STX8: variants seen among roughly 807,000 people sequenced by gnomAD.
STX8 encodes syntaxin 8.
A neutral mutation model predicts 37.5 loss-of-function variants in STX8; 23 were observed. The observed-to-expected ratio is 0.61, with a 90% CI of 0.44 to 0.87. The LOEUF is 0.87. Ranked by LOEUF, STX8 falls within the 40% of genes least tolerant of loss-of-function variation. STX8 has a pLI of 0.00. For synonymous variants in STX8, 115 were observed against 99.1 expected (o/e 1.16, Z -0.95); for missense variants, 313 against 284.7 (o/e 1.10, Z -0.71).
rs143786329 is a variant in STX8 at position 9,512,051 on chromosome 17, TAAAAGA to T, written c.324-6895_324-6890del. On this transcript the variant is annotated intron_variant, in intron 4 of 7. Coordinates refer to ENST00000306357, the MANE Select transcript of STX8 (RefSeq NM_004853.3). ...TTTAACCAAGGAGGTGAAAGATCTC[TAAAAGA>T]AAAACTACAAAACACTGATGAAAGA... Among the ~76,000 whole-genome samples the T allele has an allele frequency of 9.7e-3, 1,475 of 152,196 alleles. 27 individuals carry two copies. The highest frequency in any genetic ancestry group is 0.034 in the African/African-American group (1,410 of 41,512).
intron 4 of STX8, among the ~76,000 whole-genome samples, chr17:9,531,845 C>G (rs767944332): frequency 2.0e-5 from 3 of 151,780 alleles, no homozygotes; most frequent in Non-Finnish European, 4.4e-5. Flanking sequence ...AGTACTATGA[C>G]AGCAGCCTTA....
rs1292385372 is a variant in STX8 at position 9,296,226 on chromosome 17, A to G, written c.644-45581T>C. Among the ~76,000 whole-genome samples the G allele has an allele frequency of 2.7e-5, 4 of 148,206 alleles. No homozygotes were observed. In the South Asian group the frequency reaches 6.5e-4, roughly 24 times the overall value. On this transcript the variant is annotated intron_variant, in intron 7 of 7. Transcript: ENST00000306357. ...CCAGGCATGGTGGTGCATGCCTGTA[A>G]TCCCAGCTACTCGGGAGGCTGAGGC... is the stretch of plus-strand genomic sequence containing the variant.
chr17:9,302,336 G>A (rs1363549126), intron 7 of STX8, among the ~76,000 whole-genome samples: 2 of 151,466 alleles, frequency 1.3e-5, no homozygotes, highest in African/African-American at 4.9e-5. Flanking sequence ...TATTTAATCT[G>A]CCTTTTCAAA....
At chr17:9,505,884 G>A (rs1481765057) in intron 4 of STX8, among the ~76,000 whole-genome samples, 1 of 147,976 alleles carries the variant, frequency 6.8e-6, no homozygotes, top group Admixed American at 6.8e-5. Context: ...GGAGGTTGCA[G>A]TGAGCCAAGA....
At chr17:9,402,531 A>G (rs1361297913) in intron 6 of STX8, among the ~76,000 whole-genome samples, 1 of 152,212 alleles carries the variant, frequency 6.6e-6, no homozygotes, top group Non-Finnish European at 1.5e-5. Context: ...AGTACTACAC[A>G]TAATACAGTG....
rs542849660 is a variant in STX8 at position 9,546,504 on chromosome 17, T to A, written c.213-1222A>T. 1.1e-3 allele frequency among the ~76,000 whole-genome samples: 142 copies of A among 126,262 alleles called. 1 individual carries two copies. Among genetic ancestry groups the A allele is most frequent in the African/African-American group, 4.1e-3 (137 of 33,642 alleles). 82.8% of individuals were successfully genotyped at this position (126,262 alleles called of 152,430 possible). ...CGTGCGCATGAAGCAAAAAGGGAAG[T>A]GGCGTCTGTCAACAACCGGCGCCAC... is the stretch of plus-strand genomic sequence containing the variant. On this transcript the variant is annotated intron_variant, in intron 3 of 7. Coordinates refer to ENST00000306357, the MANE Select transcript of STX8 (RefSeq NM_004853.3).
At chr17:9,407,632 T>C (rs1296306623) in intron 6 of STX8, among the ~76,000 whole-genome samples, 4 of 132,646 alleles carry the variant, frequency 3.0e-5, no homozygotes, top group Non-Finnish European at 6.2e-5. Flanking sequence ...ATTTAAGAAA[T>C]ACATTGGTTT....
At chr17:9,312,192 ACT>A (rs1470982672) in intron 7 of STX8, among the ~76,000 whole-genome samples, 2 of 140,400 alleles carry the variant, frequency 1.4e-5, no homozygotes, top group African/African-American at 2.7e-5. Flanking sequence ...TAAGCATGAG[ACT>A]CTTTTTTTTT....
At chr17:9,462,753 G>T (rs1223160612) in intron 6 of STX8, among the ~76,000 whole-genome samples, 2 of 152,172 alleles carry the variant, frequency 1.3e-5, no homozygotes, top group Non-Finnish European at 2.9e-5. Flanking sequence ...CAGGAAAAAA[G>T]CATGGGGAAT....
intron 5 of STX8, among the ~76,000 whole-genome samples, chr17:9,495,874 T>C (rs1385530596): frequency 6.6e-6 from 1 of 152,198 alleles, no homozygotes; most frequent in Non-Finnish European, 1.5e-5. Context: ...ACAATGCTGC[T>C]GACTGCAAAA....
At chr17:9,476,102 C>T (rs543893419) in intron 6 of STX8, among the ~76,000 whole-genome samples, 3 of 152,292 alleles carry the variant, frequency 2.0e-5, no homozygotes, top group South Asian at 4.1e-4. Flanking sequence ...TCGTTTGAAG[C>T]CGGGGGGCGG....
chr17:9,568,350 C>T, intron 2 of STX8, 21 bp downstream of exon 2: 1 of 1,584,264 alleles, frequency 6.3e-7, no homozygotes, highest in Non-Finnish European at 8.6e-7. Flanking sequence ...TCATTGGGTA[C>T]TAATTCCTTC....
chr17:9,282,055 C>A (rs1907906427), intron 7 of STX8, among the ~76,000 whole-genome samples: 1 of 152,212 alleles, frequency 6.6e-6, no homozygotes, highest in Non-Finnish European at 1.5e-5. Context: ...CCATTTCCCC[C>A]CTCTATCTGA....
intron 7 of STX8, among the ~76,000 whole-genome samples, chr17:9,252,681 C>A (rs929804089): frequency 4.0e-5 from 6 of 150,826 alleles, no homozygotes; most frequent in Non-Finnish European, 8.9e-5. Flanking sequence ...CTACCTGTGA[C>A]TGTGGTTGCA....
At chr17:9,544,572 TAAC>T (rs1437985244) in intron 4 of STX8, among the ~76,000 whole-genome samples, 1 of 151,940 alleles carries the variant, frequency 6.6e-6, no homozygotes, top group East Asian at 1.9e-4. Flanking sequence ...AGAAGGCAGT[TAAC>T]AAAGCAGAAA....
At chr17:9,351,711 C>A (rs1052748615) in intron 7 of STX8, among the ~76,000 whole-genome samples, 1 of 152,114 alleles carries the variant, frequency 6.6e-6, no homozygotes, top group Non-Finnish European at 1.5e-5. Flanking sequence ...TACAATTCTT[C>A]TATCCTTTTT....
chr17:9,342,940 G>A (rs981654785), intron 7 of STX8, among the ~76,000 whole-genome samples: 6 of 149,426 alleles, frequency 4.0e-5, no homozygotes, highest in African/African-American at 1.5e-4. Flanking sequence ...AGAATCGCCT[G>A]AACCCGGGAG....
At chr17:9,436,773 C>T (rs772554742) in intron 6 of STX8, among the ~76,000 whole-genome samples, 1 of 152,182 alleles carries the variant, frequency 6.6e-6, no homozygotes, top group Non-Finnish European at 1.5e-5. Flanking sequence ...TAAAAAGCAG[C>T]ATTGTTTGTC....
intron 6 of STX8, among the ~76,000 whole-genome samples, chr17:9,441,611 G>C (rs1904655810): frequency 6.6e-6 from 1 of 151,508 alleles, no homozygotes; most frequent in South Asian, 2.1e-4. Context: ...TAAATAATGG[G>C]GCTCCCCAAG....
Sources: gnomAD v4.1 joint callset for allele counts (sites outside exome capture counted in the v4.1 genomes callset) on GRCh38, gnomAD v4.1.1 for gene constraint, MANE v1.5 for transcripts, NCBI Gene and HGNC (gene_info 2026-07-23, HGNC 2026-07-21) for gene names.